Variants in RXRA observed in about 807,000 individuals in gnomAD.
The protein encoded by RXRA is retinoic acid receptor RXR-alpha.
RXRA carries 5 observed loss-of-function variants against 44.5 expected under a neutral mutation model. That is an observed-to-expected ratio of 0.11 (90% CI 0.06 to 0.24). The LOEUF is 0.24. RXRA is among the 10% of genes least tolerant of loss of function. The pLI is 1.00. For synonymous variants in RXRA, 291 were observed against 271.4 expected, an observed-to-expected ratio of 1.07 and a Z score of -0.71; for missense variants, 412 against 646.5, an observed-to-expected ratio of 0.64 and a Z score of 3.93.
Position 134,339,421 on chromosome 9 carries a change from AGTGT to A in RXRA, c.28+12766_28+12769del, listed in dbSNP as rs372499049. On this transcript the variant is annotated intron_variant, in intron 1 of 9. Transcript: ENST00000481739. ...GTGAGCCCGTGAGCCTGTGTGTGAG[AGTGT>A]GTGGGTGCCATGCCTGTGTGAGTGT... 2.3e-4 allele frequency among the ~76,000 whole-genome samples: 34 copies of A among 149,344 alleles called. No homozygotes were observed. The East Asian group carries it at 6.4e-3, about 28-fold the overall frequency.
At chr9:134,415,610 A>AC (rs1312286527) in intron 4 of RXRA, among the ~76,000 whole-genome samples, 1 of 151,496 alleles carries the variant, frequency 6.6e-6, no homozygotes, top group Non-Finnish European at 1.5e-5. Flanking sequence ...AGCTTCAGGA[A>AC]CCCCTCTGCC....
intron 6 of RXRA, chr9:134,423,328 C>T: frequency 1.0e-6 from 1 of 985,472 alleles, no homozygotes; most frequent in Non-Finnish European, 1.2e-6. Flanking sequence ...CCGGGTGTCC[C>T]AGCTGCCTAG....
At chr9:134,346,780 A>C (rs58394118) in intron 1 of RXRA, among the ~76,000 whole-genome samples, 29,583 of 152,212 alleles carry the variant, frequency 0.19, 2,949 homozygotes, top group Middle Eastern at 0.23. Context: ...TGGGACAAGG[A>C]GCTGCCTCTG....
chr9:134,436,781 A>T lies in RXRA; in HGVS notation c.*167A>T. ...TAAGAGATGTGTTGTCACCCTCCTT[A>T]TTTCTGTTACTACTTGTCTGTGGCC... is the stretch of plus-strand genomic sequence containing the variant. On this transcript the variant is annotated 3_prime_UTR_variant, in exon 10 of 10. Transcript: ENST00000481739. 1 of 728,778 alleles carries T rather than the reference A, an allele frequency of 1.4e-6. No individual in the cohort carries two copies. The highest frequency in any genetic ancestry group is 2.2e-6 in the Non-Finnish European group (1 of 453,988). 45.1% of individuals were successfully genotyped at this position (728,778 alleles called of 1,614,324 possible).
chr9:134,387,532 C>T (rs182675713), intron 1 of RXRA, among the ~76,000 whole-genome samples: 1 of 152,376 alleles, frequency 6.6e-6, no homozygotes, highest in Non-Finnish European at 1.5e-5. Context: ...CTCAGCACTG[C>T]GTGGGCATTG....
chr9:134,392,210 G>C (rs377124879), intron 1 of RXRA, among the ~76,000 whole-genome samples: 1 of 152,192 alleles, frequency 6.6e-6, no homozygotes, highest in South Asian at 2.1e-4. Context: ...CGCCCTTTCC[G>C]TGACTCCGCT....
At chr9:134,357,475 G>T (rs1006044561) in intron 1 of RXRA, among the ~76,000 whole-genome samples, 1 of 152,160 alleles carries the variant, frequency 6.6e-6, no homozygotes, top group Admixed American at 6.5e-5. Context: ...GGGGTTGGGG[G>T]ATGTGGAGTT....
chr9:134,336,408 C>A (rs1441007156), intron 1 of RXRA, among the ~76,000 whole-genome samples: 1 of 152,220 alleles, frequency 6.6e-6, no homozygotes, highest in Non-Finnish European at 1.5e-5. Context: ...ATGCTCACAG[C>A]CCGGGTCTTC....
chr9:134,376,130 C>T (rs1830553383), intron 1 of RXRA, among the ~76,000 whole-genome samples: 1 of 152,126 alleles, frequency 6.6e-6, no homozygotes. Context: ...AAGGAAGGCA[C>T]CCTCCCACCG....
At position 134,422,262 on chromosome 9, in the gene RXRA, G is replaced by T. The variant is rs1437110971; in HGVS notation, c.910+457G>T. 4 of 1,275,072 alleles carry T rather than the reference G, an allele frequency of 3.1e-6. No individual in the cohort carries two copies. The Admixed American group carries it at 7.1e-5, about 23-fold the overall frequency. The allele number at this position is 1,275,072 out of a possible 1,614,324, so 79.0% of individuals were successfully genotyped here. ...CTGGGATGCTCCCATCTCCCAGGAC[G>T]CTCCCCGCTCCCAGGACACACTCCT... is the stretch of plus-strand genomic sequence containing the variant. On this transcript the variant is annotated intron_variant, in intron 6 of 9. Transcript: ENST00000481739.
At chr9:134,406,046 C>G (rs911836886) in intron 2 of RXRA, 1 of 152,268 alleles carries the variant, frequency 6.6e-6, no homozygotes, top group Non-Finnish European at 1.5e-5. Context: ...GAGTTGTCTG[C>G]GAGCTCTGCT....
At position 134,417,791 on chromosome 9, in the gene RXRA, C is replaced by T. The variant is rs1831263762; in HGVS notation, c.780+464C>T. 6.6e-6 allele frequency among the ~76,000 whole-genome samples: 1 copy of T among 152,136 alleles called. No individual in the cohort carries two copies. The highest frequency in any genetic ancestry group is 2.4e-5 in the African/African-American group (1 of 41,432). ...CTGCCAGCAGCCGTGTGGCCCTGGGCAGGTGCCCGGCAGTCGCGGTGGCTG... is the reference window on the plus strand; with the variant it reads ...CTGCCAGCAGCCGTGTGGCCCTGGGTAGGTGCCCGGCAGTCGCGGTGGCTG... On this transcript the variant is annotated intron_variant, in intron 5 of 9. Transcript: ENST00000481739. This position sits in a 1 kb window ranked among gnomAD's most constrained non-coding sequence, Gnocchi z 6.1.
At chr9:134,341,162 T>A (rs62576311) in intron 1 of RXRA, among the ~76,000 whole-genome samples, 1 of 152,182 alleles carries the variant, frequency 6.6e-6, no homozygotes, top group Non-Finnish European at 1.5e-5. Flanking sequence ...TGGTGGTACC[T>A]GGAGTGTGTG....
intron 1 of RXRA, among the ~76,000 whole-genome samples, chr9:134,369,188 TTA>T (rs1400480835): frequency 1.4e-4 from 4 of 29,018 alleles, no homozygotes; most frequent in East Asian, 1.1e-3. Context: ...CGTGGGGGGG[TTA>T]TGTGTGTGTG....
At chr9:134,395,416 G>A (rs1317037134) in intron 1 of RXRA, among the ~76,000 whole-genome samples, 2 of 152,256 alleles carry the variant, frequency 1.3e-5, no homozygotes, top group Admixed American at 6.5e-5. Context: ...CATGTGTCAC[G>A]GAAGGTTGGG....
At chr9:134,390,881 C>T (rs911993607) in intron 1 of RXRA, among the ~76,000 whole-genome samples, 9 of 152,214 alleles carry the variant, frequency 5.9e-5, no homozygotes, top group African/African-American at 9.6e-5. Context: ...AAGGATGCTG[C>T]GTGCTAGGGT....
rs558250496 is a variant in RXRA, at chr9:134,380,817, C to T, written c.29-20815C>T. On this transcript the variant is annotated intron_variant, in intron 1 of 9. Coordinates refer to ENST00000481739, the MANE Select transcript of RXRA (RefSeq NM_002957.6). ...GAAAGGCCTCCTCCAGAATCCAGGG[C>T]TGCCCGTCCTGAGGTAAGGGGCTTT... 7.9e-4 allele frequency among the ~76,000 whole-genome samples: 120 copies of T among 152,276 alleles called. 1 individual carries two copies. The highest frequency in any genetic ancestry group is 2.0e-3 in the Admixed American group (31 of 15,302).
chr9:134,375,678 C>T (rs542612316), intron 1 of RXRA, among the ~76,000 whole-genome samples: 200 of 152,252 alleles, frequency 1.3e-3, no homozygotes, highest in African/African-American at 4.6e-3. Flanking sequence ...GGGCCGGCAG[C>T]TCTGGGCCCT....
chr9:134,379,639 C>A (rs1263802614), intron 1 of RXRA: 5 of 985,244 alleles, frequency 5.1e-6, no homozygotes, highest in Non-Finnish European at 6.0e-6. Flanking sequence ...TGCTCCAGCC[C>A]CTCTCTGACC....
Sources: gnomAD v4.1 joint callset for allele counts (sites outside exome capture counted in the v4.1 genomes callset) on GRCh38, gnomAD v4.1.1 for gene constraint, Gnocchi (gnomAD v3.1) non-coding constraint, MANE v1.5 for transcripts, NCBI Gene and HGNC (gene_info 2026-07-23, HGNC 2026-07-21) for gene names.